Variants in MIPOL1 observed in about 807,000 individuals in gnomAD.
MIPOL1 encodes the protein mirror-image polydactyly 1.
Under a neutral mutation model 60.9 loss-of-function variants are expected in MIPOL1, and 57 were observed. The observed-to-expected ratio is 0.94, with a 90% CI of 0.76 to 1.17. MIPOL1 has a LOEUF of 1.17. Ranked by LOEUF, MIPOL1 falls within the 50% of genes most tolerant of loss-of-function variation. The pLI is 0.00. For synonymous variants in MIPOL1, 179 were observed against 168.8 expected, an observed-to-expected ratio of 1.06 and a Z score of -0.47; for missense variants, 551 against 511.6, an observed-to-expected ratio of 1.08 and a Z score of -0.74.
chr14:37,283,831 C>T (rs566031844), intron 6 of MIPOL1, among the ~76,000 whole-genome samples: 12 of 152,146 alleles, frequency 7.9e-5, no homozygotes, highest in Non-Finnish European at 1.0e-4. Flanking sequence ...GCTTGCTAAC[C>T]TTTAGTACCT....
chr14:37,216,903 A>G (rs192101616), intron 1 of MIPOL1, among the ~76,000 whole-genome samples: 114 of 152,288 alleles, frequency 7.5e-4, no homozygotes, highest in African/African-American at 2.6e-3. Flanking sequence ...ACCAAATCCA[A>G]CATTACTAGA....
chr14:37,351,774 A>C, intron 9 of MIPOL1, among the ~76,000 whole-genome samples: 1 of 114,432 alleles, frequency 8.7e-6, no homozygotes, highest in South Asian at 3.6e-4. Context: ...TTTTCTTGTA[A>C]ATTTGTTTGA....
intron 10 of MIPOL1, among the ~76,000 whole-genome samples, chr14:37,421,390 A>G (rs2093870865): frequency 6.6e-6 from 1 of 152,108 alleles, no homozygotes; most frequent in South Asian, 2.1e-4. Context: ...AAGTTTTTAA[A>G]GTTGAATGTG....
At chr14:37,386,065 T>G (rs949916695) in intron 10 of MIPOL1, among the ~76,000 whole-genome samples, 8 of 152,046 alleles carry the variant, frequency 5.3e-5, no homozygotes, top group Non-Finnish European at 1.0e-4. Context: ...GGAAATAGGT[T>G]GAGTTTCAGC....
At chr14:37,416,567 T>C (rs1474345816) in intron 10 of MIPOL1, among the ~76,000 whole-genome samples, 1 of 152,178 alleles carries the variant, frequency 6.6e-6, no homozygotes, top group Non-Finnish European at 1.5e-5. Context: ...AGTAAAAATA[T>C]AGGTGTTGTA....
At chr14:37,229,244 C>T (rs1322162374) in intron 1 of MIPOL1, among the ~76,000 whole-genome samples, 1 of 152,140 alleles carries the variant, frequency 6.6e-6, no homozygotes, top group African/African-American at 2.4e-5. Context: ...GTAACCTCCT[C>T]CCTGGCTCAA....
intron 9 of MIPOL1, among the ~76,000 whole-genome samples, chr14:37,318,021 C>T (rs1337327009): frequency 2.6e-5 from 4 of 152,144 alleles, no homozygotes; most frequent in Admixed American, 6.6e-5. Context: ...GAAATGGGTG[C>T]TAGAACTTTC....
At chr14:37,373,818 A>G (rs892201593) in intron 10 of MIPOL1, among the ~76,000 whole-genome samples, 1 of 152,124 alleles carries the variant, frequency 6.6e-6, no homozygotes, top group Non-Finnish European at 1.5e-5. Context: ...CAAGTCTGCT[A>G]TTGTGAACAG....
intron 9 of MIPOL1, among the ~76,000 whole-genome samples, chr14:37,320,485 T>C (rs2153446466): frequency 6.6e-6 from 1 of 152,220 alleles, no homozygotes; most frequent in Non-Finnish European, 1.5e-5. Context: ...CTATTGTCCA[T>C]TATTAAATTT....
At chr14:37,199,943 T>A (rs1295815958) in intron 1 of MIPOL1, among the ~76,000 whole-genome samples, 1 of 152,234 alleles carries the variant, frequency 6.6e-6, no homozygotes, top group African/African-American at 2.4e-5. Context: ...AATTTATACT[T>A]CAGTGGCAGC....
chr14:37,254,276 A>G (rs1405307662), intron 3 of MIPOL1, among the ~76,000 whole-genome samples: 2 of 151,738 alleles, frequency 1.3e-5, no homozygotes, highest in Non-Finnish European at 3.0e-5. Flanking sequence ...GATTCTGTTA[A>G]TACTCTTGGA....
At position 37,217,228 on chromosome 14, in the gene MIPOL1, T is replaced by A. The variant is rs111802324; in HGVS notation, c.-199+19124T>A. ...ATTCAAAACCTGAACAGGCTAGTAATAAGTAATGAGATTGAAGCCATAATA... is the reference window on the plus strand; with the variant it reads ...ATTCAAAACCTGAACAGGCTAGTAAAAAGTAATGAGATTGAAGCCATAATA... On this transcript the variant is annotated intron_variant, in intron 1 of 12. Coordinates refer to ENST00000684589, the MANE Select transcript of MIPOL1 (RefSeq NM_001388067.1). Among the ~76,000 whole-genome samples the A allele has an allele frequency of 1.2e-4, 19 of 152,218 alleles. 1 individual carries two copies. Among genetic ancestry groups the A allele is most frequent in the African/African-American group, 3.9e-4 (16 of 41,542 alleles).
At chr14:37,314,359 G>A (rs796920783) in intron 9 of MIPOL1, among the ~76,000 whole-genome samples, 10 of 152,250 alleles carry the variant, frequency 6.6e-5, no homozygotes, top group African/African-American at 2.2e-4. Context: ...TAGGCTGCAA[G>A]CCTATACCAA....
chr14:37,518,326 T>A (rs1200349412), intron 12 of MIPOL1, among the ~76,000 whole-genome samples: 1 of 152,184 alleles, frequency 6.6e-6, no homozygotes, highest in Admixed American at 6.5e-5. Context: ...ATTAGAAATA[T>A]CAAAGTAAAT....
intron 11 of MIPOL1, among the ~76,000 whole-genome samples, chr14:37,496,682 C>T (rs2095135361): frequency 6.6e-6 from 1 of 151,794 alleles, no homozygotes; most frequent in Admixed American, 6.6e-5. Context: ...ACATTCCATG[C>T]TCATGGGTAG....
chr14:37,299,461 T>C (rs1404875220), intron 7 of MIPOL1, among the ~76,000 whole-genome samples: 1 of 17,688 alleles, frequency 5.7e-5, no homozygotes, highest in East Asian at 0.045. Flanking sequence ...ATTAAAAAAA[T>C]AAAAATTACT....
intron 11 of MIPOL1, among the ~76,000 whole-genome samples, chr14:37,474,871 G>A (rs1017776984): frequency 6.6e-6 from 1 of 152,266 alleles, no homozygotes; most frequent in Non-Finnish European, 1.5e-5. Context: ...ACAATTCTCT[G>A]ATGACATGTT....
intron 1 of MIPOL1, among the ~76,000 whole-genome samples, chr14:37,210,886 A>G (rs1785175115): frequency 1.3e-5 from 2 of 152,204 alleles, no homozygotes; most frequent in South Asian, 2.1e-4. Flanking sequence ...TAGTTTTACA[A>G]AAGTGGTGTT....
intron 1 of MIPOL1, chr14:37,212,199 T>G (rs1392288576): frequency 6.6e-6 from 1 of 152,162 alleles, no homozygotes; most frequent in East Asian, 1.9e-4. Context: ...GTTGGAAAAG[T>G]AAAGAGGATG....
Sources: allele counts gnomAD v4.1 joint callset (sites outside exome capture counted in the v4.1 genomes callset), GRCh38; gene constraint gnomAD v4.1.1; transcripts MANE v1.5; gene names NCBI Gene and HGNC (gene_info 2026-07-23, HGNC 2026-07-21).